STAT4: variants seen among roughly 807,000 people sequenced by gnomAD.
STAT4 encodes signal transducer and activator of transcription 4.
STAT4 carries 42 observed loss-of-function variants against 110.5 expected under a neutral mutation model. The ratio of observed to expected loss-of-function variants is 0.38; its 90% confidence interval spans 0.30 to 0.49. The LOEUF (loss-of-function observed/expected upper bound fraction) is 0.49, where lower values mean the gene tolerates loss of function less well. Ranked by LOEUF, STAT4 falls within the 20% of genes least tolerant of loss-of-function variation. STAT4 has a pLI of 0.95. For missense variants in STAT4, 632 were observed against 887.9 expected (o/e 0.71, Z 3.66); for synonymous variants, 284 against 302.2 (o/e 0.94, Z 0.63).
chr2:191,124,143 C>T (rs1698813157), intron 3 of STAT4, among the ~76,000 whole-genome samples: 1 of 152,074 alleles, frequency 6.6e-6, no homozygotes, highest in Non-Finnish European at 1.5e-5. Context: ...TCAATGTTAA[C>T]TCAACTTCTC....
intron 3 of STAT4, among the ~76,000 whole-genome samples, chr2:191,095,273 T>A (rs561050599): frequency 6.6e-6 from 1 of 152,286 alleles, no homozygotes; most frequent in South Asian, 2.1e-4. Flanking sequence ...CTAACAGACA[T>A]CTACAGAACT....
rs1698487221 is a variant in STAT4, at chr2:191,113,636, T to C, written c.273+32977A>G. On this transcript the variant is annotated intron_variant, in intron 3 of 23. Coordinates refer to ENST00000392320, the MANE Select transcript of STAT4 (RefSeq NM_003151.4). The surrounding 1 kb of genome is among the most constrained non-coding windows in gnomAD (Gnocchi z 4.8). ...GGGCCAAATTTGTCTTTTGTCATCATGCGGAAGAAAGATTAAAAAGGTTAA... is the reference window on the plus strand; with the variant it reads ...GGGCCAAATTTGTCTTTTGTCATCACGCGGAAGAAAGATTAAAAAGGTTAA... Among the ~76,000 whole-genome samples the C allele has an allele frequency of 6.6e-6, 1 of 152,238 alleles. No homozygotes were observed. The highest frequency in any genetic ancestry group is 2.4e-5 in the African/African-American group (1 of 41,466).
At chr2:191,087,799 T>A (rs1697674945) in intron 3 of STAT4, among the ~76,000 whole-genome samples, 1 of 152,122 alleles carries the variant, frequency 6.6e-6, no homozygotes, top group Non-Finnish European at 1.5e-5. Flanking sequence ...TTAAAGCTGA[T>A]TAAAATAGAA....
At chr2:191,137,055 A>C (rs947007006) in intron 3 of STAT4, among the ~76,000 whole-genome samples, 5 of 152,150 alleles carry the variant, frequency 3.3e-5, no homozygotes, top group African/African-American at 9.7e-5. Context: ...AAAAAATTGA[A>C]GAGGGCCAGG....
In STAT4 at chr2:191,050,296, G is replaced by A. The variant is rs1398686030; in HGVS notation, c.1251+4194C>T. Among the ~76,000 whole-genome samples, 1 of 152,166 alleles carries A rather than the reference G, an allele frequency of 6.6e-6. No individual in the cohort carries two copies. Among genetic ancestry groups the A allele is most frequent in the East Asian group, 1.9e-4 (1 of 5,206 alleles). Reference sequence around the variant, plus strand: ...GCTTCCTGGGAATGTTTATTTTACAGGAACAGATTGATGGCCTCAAAGTCT... The same window carrying A: ...GCTTCCTGGGAATGTTTATTTTACAAGAACAGATTGATGGCCTCAAAGTCT... On this transcript the variant is annotated intron_variant, in intron 14 of 23. Transcript: ENST00000392320. The surrounding 1 kb of genome is among the most constrained non-coding windows in gnomAD (Gnocchi z 4.3).
At chr2:191,063,015 TTAAG>T (rs1696892416) in intron 8 of STAT4, 95 bp from the exon 9 acceptor site, 1 of 915,942 alleles carries the variant, frequency 1.1e-6, no homozygotes, top group Non-Finnish European at 1.5e-6. Flanking sequence ...CATTAAATTA[TTAAG>T]TAATTATTAA....
intron 3 of STAT4, chr2:191,121,824 T>C (rs1698742324): frequency 6.6e-6 from 1 of 151,714 alleles, no homozygotes; most frequent in Admixed American, 6.6e-5. Flanking sequence ...ATATACCTAA[T>C]GTAAATGACG....
rs1454436377 is a variant in STAT4 at position 191,059,485 on chromosome 2, C to T, written c.1035-716G>A. Among the ~76,000 whole-genome samples the T allele has an allele frequency of 6.6e-6, 1 of 152,172 alleles. No homozygotes were observed. Among genetic ancestry groups the T allele is most frequent in the Non-Finnish European group, 1.5e-5 (1 of 68,036 alleles). ...ATAGTCATTCAATCCCTCACACATT[C>T]ATTCATTTACTCATGCCCTCATCCT... On this transcript the variant is annotated intron_variant, in intron 10 of 23. Coordinates refer to ENST00000392320, the MANE Select transcript of STAT4 (RefSeq NM_003151.4). The surrounding 1 kb of genome is among the most constrained non-coding windows in gnomAD (Gnocchi z 4.7).
intron 3 of STAT4, chr2:191,131,749 G>A (rs1427688787): frequency 7.1e-6 from 9 of 1,272,432 alleles, no homozygotes; most frequent in Admixed American, 4.2e-5. Flanking sequence ...GGAATAGATG[G>A]GTACTAAATT....
intron 1 of STAT4, among the ~76,000 whole-genome samples, chr2:191,149,803 A>G (rs1699548329): frequency 6.6e-6 from 1 of 152,238 alleles, no homozygotes; most frequent in Non-Finnish European, 1.5e-5. Context: ...ACAACAGAGA[A>G]CATGAGTTGA....
rs190284801 is a variant in STAT4, at chr2:191,043,770, C to G, written c.1252-2622G>C. On this transcript the variant is annotated intron_variant, in intron 14 of 23. Coordinates refer to ENST00000392320, the MANE Select transcript of STAT4 (RefSeq NM_003151.4). The surrounding 1 kb of genome is among the most constrained non-coding windows in gnomAD (Gnocchi z 4.8). ...ACTATACAGCGTTGGAATAAATGAT[C>G]CACAGCAACATGAATCAACGTAGGA... Among the ~76,000 whole-genome samples, 75 of 152,122 alleles carry G rather than the reference C, an allele frequency of 4.9e-4. No individual in the cohort carries two copies. Among genetic ancestry groups the G allele is most frequent in the Non-Finnish European group, 9.7e-4 (66 of 67,996 alleles).
chr2:191,135,749 G>A lies in STAT4; in HGVS notation c.273+10864C>T, dbSNP rs117668542. Among the ~76,000 whole-genome samples the A allele has an allele frequency of 2.9e-3, 445 of 152,270 alleles. 10 individuals carry two copies. Among genetic ancestry groups the A allele is most frequent in the South Asian group, 0.028 (136 of 4,822 alleles). On this transcript the variant is annotated intron_variant, in intron 3 of 23. Coordinates refer to ENST00000392320, the MANE Select transcript of STAT4 (RefSeq NM_003151.4). The surrounding 1 kb of genome is among the most constrained non-coding windows in gnomAD (Gnocchi z 4.8). ...CCCAAAGTGCTGGGATTACAGGCAT[G>A]TGCCAACACACTTGACCTTTACTGC...
At chr2:191,084,783 C>T (rs1276922111) in intron 3 of STAT4, among the ~76,000 whole-genome samples, 1 of 151,770 alleles carries the variant, frequency 6.6e-6, no homozygotes, top group African/African-American at 2.4e-5. Flanking sequence ...GACGTAGGGC[C>T]AGAATCTAGG....
At chr2:191,137,477 G>T (rs1200718996) in intron 3 of STAT4, among the ~76,000 whole-genome samples, 1 of 152,024 alleles carries the variant, frequency 6.6e-6, no homozygotes, top group Non-Finnish European at 1.5e-5. Context: ...AAATACCAAT[G>T]TCGTTTTTCA....
At chr2:191,064,253 T>C (rs1047760982) in intron 8 of STAT4, among the ~76,000 whole-genome samples, 64 of 152,230 alleles carry the variant, frequency 4.2e-4, no homozygotes, top group African/African-American at 1.5e-3. Flanking sequence ...CATTATTACC[T>C]CACATACTTA....
rs144977702 is a variant in STAT4, at chr2:191,088,080, G to C, written c.274-11755C>G. 5.4e-3 allele frequency among the ~76,000 whole-genome samples: 827 copies of C among 152,238 alleles called. 7 individuals carry two copies. Among genetic ancestry groups the C allele is most frequent in the African/African-American group, 0.019 (784 of 41,554 alleles). ...AAAGGAAATAAATTCTATACAAATA[G>C]GGAAGGATGTAATAAAATTTTCTTT... On this transcript the variant is annotated intron_variant, in intron 3 of 23. Coordinates refer to ENST00000392320, the MANE Select transcript of STAT4 (RefSeq NM_003151.4).
intron 3 of STAT4, among the ~76,000 whole-genome samples, chr2:191,092,489 T>A (rs978714266): frequency 5.9e-5 from 9 of 151,624 alleles, no homozygotes; most frequent in African/African-American, 9.7e-5. Flanking sequence ...TAGGAAATGG[T>A]CCATAGTGTG....
intron 6 of STAT4, chr2:191,068,219 AATC>A (rs1697047350): frequency 6.6e-6 from 1 of 152,202 alleles, no homozygotes; most frequent in South Asian, 2.1e-4. Flanking sequence ...AAGTGACTCA[AATC>A]ATAACAAATT....
In STAT4 at chr2:191,077,569, G is replaced by T. The variant is rs1470497855; in HGVS notation, c.274-1244C>A. ...AAATAAAACAAAAATCCACAAAGTG[G>T]AAAATTAACAATAAAAAATAGACTA... is the stretch of plus-strand genomic sequence containing the variant. On this transcript the variant is annotated intron_variant, in intron 3 of 23. Transcript: ENST00000392320. The surrounding 1 kb of genome is among the most constrained non-coding windows in gnomAD (Gnocchi z 4.1). 3.9e-5 allele frequency among the ~76,000 whole-genome samples: 6 copies of T among 152,000 alleles called. No homozygotes were observed. Among genetic ancestry groups the T allele is most frequent in the African/African-American group, 1.5e-4 (6 of 41,370 alleles).
Sources: allele counts gnomAD v4.1 joint callset (sites outside exome capture counted in the v4.1 genomes callset), GRCh38; gene constraint gnomAD v4.1.1; non-coding constraint Gnocchi (gnomAD v3.1); transcripts MANE v1.5; gene names NCBI Gene and HGNC (gene_info 2026-07-23, HGNC 2026-07-21).